RAI1: variants seen among roughly 807,000 people sequenced by gnomAD.
The protein encoded by RAI1 is retinoic acid-induced protein 1.
In RAI1, 9 loss-of-function variants were observed where a neutral mutation model predicts 123.8. The observed-to-expected ratio is 0.07, with a 90% CI of 0.04 to 0.13. The LOEUF is 0.13. RAI1 is among the 10% of genes least tolerant of loss of function. The pLI is 1.00. For missense variants in RAI1, 2,256 were observed against 2,545.8 expected, an observed-to-expected ratio of 0.89 and a Z score of 2.45; for synonymous variants, 1,231 against 1,127.3, an observed-to-expected ratio of 1.09 and a Z score of -1.84.
chr17:17,771,570 G>C (rs772756814), intron 2 of RAI1, among the ~76,000 whole-genome samples: 1 of 152,256 alleles, frequency 6.6e-6, no homozygotes, highest in Non-Finnish European at 1.5e-5. Context: ...CAGGAATAGA[G>C]ATGGAGCTAT....
intron 2 of RAI1, among the ~76,000 whole-genome samples, chr17:17,791,141 C>T (rs979135327): frequency 6.6e-6 from 1 of 152,196 alleles, no homozygotes; most frequent in Non-Finnish European, 1.5e-5. Flanking sequence ...AAGTGGCCGG[C>T]CCCCACACTG....
chr17:17,686,122 G>A (rs893130586), intron 1 of RAI1, among the ~76,000 whole-genome samples: 2 of 152,238 alleles, frequency 1.3e-5, no homozygotes, highest in African/African-American at 2.4e-5. Flanking sequence ...TGCTCTCTCC[G>A]GCCCAGTGCC....
At chr17:17,687,742 A>G (rs975297614) in intron 1 of RAI1, among the ~76,000 whole-genome samples, 5 of 152,146 alleles carry the variant, frequency 3.3e-5, no homozygotes, top group African/African-American at 1.2e-4. Context: ...TAAGCATTAA[A>G]GGTGAGCTGG....
intron 2 of RAI1, among the ~76,000 whole-genome samples, chr17:17,757,552 C>G (rs1045168859): frequency 5.9e-5 from 9 of 152,164 alleles, no homozygotes; most frequent in African/African-American, 1.9e-4. Context: ...ACAGCAGGAC[C>G]CCAGTTAAAC....
intron 2 of RAI1, among the ~76,000 whole-genome samples, chr17:17,744,557 C>T (rs1348279204): frequency 6.6e-6 from 1 of 152,088 alleles, no homozygotes; most frequent in Non-Finnish European, 1.5e-5. Context: ...CTTTGGGAGG[C>T]CGAGGCGGAC....
At position 17,797,540 on chromosome 17, in the gene RAI1, A is replaced by G. The variant is rs757452074; in HGVS notation, c.4592A>G (p.Tyr1531Cys). 5.6e-6 allele frequency: 9 copies of G among 1,613,968 alleles called. No homozygotes were observed. Among genetic ancestry groups the G allele is most frequent in the Non-Finnish European group, 7.6e-6 (9 of 1,179,980 alleles). ...RAQKQPGHTN[Y>C]SSYSKRKRLT... ...CAGAAACAGCCAGGCCACACCAACT[A>G]CAGCAGCTATTCCAAGCGGAAGCGC... The change falls in exon 3 of 6, where the codon TAC (tyrosine) becomes TGC (cysteine). Residue 1531 changes from tyrosine (Y) to cysteine (C), a missense_variant. Tyr to Cys is a radical substitution (Grantham distance 194). Coordinates refer to ENST00000353383, the MANE Select transcript of RAI1 (RefSeq NM_030665.4).
At chr17:17,703,870 C>T (rs529235436) in intron 1 of RAI1, among the ~76,000 whole-genome samples, 2 of 152,338 alleles carry the variant, frequency 1.3e-5, no homozygotes, top group African/African-American at 4.8e-5. Flanking sequence ...CCAGAACCTT[C>T]GTCTGGCTTC....
intron 4 of RAI1, among the ~76,000 whole-genome samples, chr17:17,807,536 C>G (rs1248773020): frequency 1.3e-5 from 2 of 152,256 alleles, no homozygotes; most frequent in Non-Finnish European, 2.9e-5. Flanking sequence ...CCTTTCCCCA[C>G]TCAGGCCCTG....
rs145585334 is a variant in RAI1, at chr17:17,797,605, T to C, written c.4657T>C (p.Cys1553Arg). 32 of 1,613,966 alleles carry C rather than the reference T, an allele frequency of 2.0e-5. No individual in the cohort carries two copies. Among genetic ancestry groups the C allele is most frequent in the Admixed American group, 1.2e-4 (7 of 60,028 alleles). ...GRAKNTTSSP[C>R]KGRAKRRRQQ... ...GGCCAAGAACACCACCTCTTCACCC[T>C]GTAAGGGGCGTGCCAAGCGACGACG... The change falls in exon 3 of 6, where the codon TGT (cysteine) becomes CGT (arginine). Residue 1553 changes from cysteine (C) to arginine (R), a missense_variant. Cys to Arg is a radical substitution (Grantham distance 180, BLOSUM62 -3). Around this residue, in one of 7 missense-constraint regions of RAI1, gnomAD observed 410 missense variants for 374.6 expected, o/e 1.09. Coordinates refer to ENST00000353383, the MANE Select transcript of RAI1 (RefSeq NM_030665.4).
At chr17:17,786,970 G>A (rs1006434952) in intron 2 of RAI1, among the ~76,000 whole-genome samples, 2 of 152,228 alleles carry the variant, frequency 1.3e-5, no homozygotes, top group African/African-American at 4.8e-5. Context: ...CTACCCGGGA[G>A]GCGGAGGTTG....
At chr17:17,750,703 A>AG (rs929010369) in intron 2 of RAI1, among the ~76,000 whole-genome samples, 2 of 151,236 alleles carry the variant, frequency 1.3e-5, no homozygotes, top group African/African-American at 4.8e-5. Context: ...AAAAAAAAAA[A>AG]AAAAAAAAAA....
chr17:17,805,572 A>G (rs1369394483), intron 4 of RAI1, among the ~76,000 whole-genome samples: 2 of 152,104 alleles, frequency 1.3e-5, no homozygotes, highest in African/African-American at 2.4e-5. Flanking sequence ...TGGACAGGGG[A>G]CCACAGCCTG....
At position 17,792,555 on chromosome 17, in the gene RAI1, T is replaced by C. The variant is rs143990842; in HGVS notation, c.-16-378T>C. On this transcript the variant is annotated intron_variant, in intron 2 of 5. Transcript: ENST00000353383. ...GGCTGGGAGTGATGGGTGGGGGACA[T>C]TGGGGAGGAGCTGGCAATGGGCGGG... 2.1e-3 allele frequency among the ~76,000 whole-genome samples: 143 copies of C among 69,742 alleles called. 1 individual carries two copies. The Middle Eastern group carries it at 0.037, about 18-fold the overall frequency. The allele number at this position is 69,742 out of a possible 152,430, so 45.8% of individuals were successfully genotyped here.
chr17:17,682,989 G>A (rs866086252), intron 1 of RAI1, among the ~76,000 whole-genome samples: 1 of 152,076 alleles, frequency 6.6e-6, no homozygotes, highest in Non-Finnish European at 1.5e-5. Context: ...ACTCTCCCGC[G>A]CCGCCTTCCC....
At chr17:17,684,422 C>G (rs1025270323) in intron 1 of RAI1, 4 of 151,158 alleles carry the variant, frequency 2.6e-5, no homozygotes, top group African/African-American at 9.7e-5. Flanking sequence ...TGGGTCATAC[C>G]CAGAATTTGA....
Position 17,793,123 on chromosome 17 carries a change from T to C in RAI1, c.175T>C (p.Tyr59His), listed in dbSNP as rs754090003. 1 of 1,613,968 alleles carries C rather than the reference T, an allele frequency of 6.2e-7. No homozygotes were observed. The highest frequency in any genetic ancestry group is 1.1e-5 in the South Asian group (1 of 91,080). Residue 59 changes from tyrosine to histidine, a missense_variant, in exon 3 of 6, where the codon TAT becomes CAT. Tyr to His is a moderately conservative substitution (Grantham distance 83, BLOSUM62 2). This residue lies in a region of RAI1 where 336 missense variants were observed against 349.8 expected (regional missense o/e 0.96). Transcript: ENST00000353383. ...TTATAACCCGCAGCCTTACCCGAGC[T>C]ATGAGGGTGGCGCTGGCACGCCCTC... is the stretch of plus-strand genomic sequence containing the variant. The part of the protein sequence containing the change: ...DYYNPQPYPS[Y>H]EGGAGTPSGT...
intron 2 of RAI1, among the ~76,000 whole-genome samples, chr17:17,788,222 T>TGATGTCCTAGGAGGGTCCTCCA (rs982073906): frequency 1.2e-4 from 19 of 152,194 alleles, no homozygotes; most frequent in African/African-American, 4.6e-4. Context: ...CTGGGGTTCC[T>TGATGTCCTAGGAGGGTCCTCCA]GATGTCCTAG....
chr17:17,783,188 C>CGGGGACCG (rs1346560911), intron 2 of RAI1, among the ~76,000 whole-genome samples: 4 of 152,048 alleles, frequency 2.6e-5, no homozygotes, highest in Non-Finnish European at 5.9e-5. Flanking sequence ...CTGCAGCGAC[C>CGGGGACCG]GGGGACCGGG....
chr17:17,795,540 C>A lies in RAI1; in HGVS notation c.2592C>A (p.Asp864Glu). The part of the protein sequence containing the change: ...PLLPPTSRKE[D>E]LEAEEEYSSL... ...TGCCACCCACCAGCAGGAAGGAGGA[C>A]CTGGAAGCTGAGGAGGAGTACTCCT... The change falls in exon 3 of 6, where the codon GAC (aspartate) becomes GAA (glutamate). Residue 864 changes from aspartate to glutamate, a missense_variant. Physicochemically the swap from Asp to Glu is conservative, Grantham distance 45 (BLOSUM62 2). Transcript: ENST00000353383. The surrounding 1 kb of genome is among the most constrained non-coding windows in gnomAD (Gnocchi z 5.9). 1.2e-6 allele frequency: 2 copies of A among 1,604,122 alleles called. No individual in the cohort carries two copies. The highest frequency in any genetic ancestry group is 1.3e-5 in the African/African-American group (1 of 74,868).
Sources: gnomAD v4.1 joint callset for allele counts (sites outside exome capture counted in the v4.1 genomes callset) on GRCh38, gnomAD v4.1.1 for gene constraint, gnomAD v4.1.1 regional missense constraint, Gnocchi (gnomAD v3.1) non-coding constraint, MANE v1.5 for transcripts, NCBI Gene and HGNC (gene_info 2026-07-23, HGNC 2026-07-21) for gene names.